The following HLA-DMA variants were observed in gnomAD, a reference collection of about 807,000 sequenced individuals.
The protein encoded by HLA-DMA is HLA class II histocompatibility antigen, DM alpha chain.
In HLA-DMA, 20 loss-of-function variants were observed where a neutral mutation model predicts 27.3. That is an observed-to-expected ratio of 0.73 (90% CI 0.52 to 1.07). HLA-DMA has a LOEUF of 1.07. HLA-DMA is among the 50% of genes least tolerant of loss of function. The pLI is 0.00. For synonymous variants in HLA-DMA, 111 were observed against 126.8 expected, an observed-to-expected ratio of 0.88 and a Z score of 0.83; for missense variants, 241 against 321.7, an observed-to-expected ratio of 0.75 and a Z score of 1.92.
At chr6:32,952,558 A>G (rs1776951507) in intron 1 of HLA-DMA, 8 of 399,000 alleles carry the variant, frequency 2.0e-5, no homozygotes, top group South Asian at 1.2e-4. Flanking sequence ...GAAGGAAACT[A>G]AGACACTTTT....
At chr6:32,951,974 T>C (rs896947024) in intron 1 of HLA-DMA, among the ~76,000 whole-genome samples, 1 of 152,014 alleles carries the variant, frequency 6.6e-6, no homozygotes, top group African/African-American at 2.4e-5. Context: ...AATGTATATA[T>C]ATAAAATAAA....
Position 32,950,610 on chromosome 6 carries a change from A to G in HLA-DMA, c.282T>C (p.Asp94=). Residue 94 remains aspartate, a synonymous_variant, in exon 2 of 5, where the codon GAT becomes GAC. Coordinates refer to ENST00000374843, the MANE Select transcript of HLA-DMA (RefSeq NM_006120.4). This position sits in a 1 kb window ranked among gnomAD's most constrained non-coding sequence, Gnocchi z 5.0. The part of the protein sequence containing the change: ...EFADWAQEQG[D]APAILFDKEF... ...CTTTGTCAAATAAAATGGCAGGAGCATCTCCCTGTTCCTGAGCCCAGTCAG... is the reference window on the plus strand; with the variant it reads ...CTTTGTCAAATAAAATGGCAGGAGCGTCTCCCTGTTCCTGAGCCCAGTCAG... 3 of 1,613,076 alleles carry G rather than the reference A, an allele frequency of 1.9e-6. No homozygotes were observed. The highest frequency in any genetic ancestry group is 2.5e-6 in the Non-Finnish European group (3 of 1,180,028).
rs747411437 is a variant in HLA-DMA at position 32,949,818 on chromosome 6, C to T, written c.445G>A (p.Val149Ile). 1 of 1,613,076 alleles carries T rather than the reference C, an allele frequency of 6.2e-7. No individual in the cohort carries two copies. The highest frequency in any genetic ancestry group is 8.5e-7 in the Non-Finnish European group (1 of 1,180,036). Residue 149 changes from valine (V) to isoleucine (I), a missense_variant, in exon 3 of 5, where the codon GTC becomes ATC. Coordinates refer to ENST00000374843, the MANE Select transcript of HLA-DMA (RefSeq NM_006120.4). This position sits in a 1 kb window ranked among gnomAD's most constrained non-coding sequence, Gnocchi z 5.8. ...FGKPNTLVCFVSNLFPPMLTV... is the reference protein window; with the variant it reads ...FGKPNTLVCFISNLFPPMLTV... ...AGCATGGGTGGGAAGAGATTACTGA[C>T]AAAACAGACCAAAGTGTTGGGCTTG...
intron 1 of HLA-DMA, among the ~76,000 whole-genome samples, chr6:32,952,644 T>C (rs1239087545): frequency 3.3e-5 from 5 of 152,240 alleles, no homozygotes; most frequent in African/African-American, 1.2e-4. Flanking sequence ...ACATTCACTT[T>C]GTTCAAATCC....
Position 32,950,543 on chromosome 6 carries a change from C to G in HLA-DMA, c.349G>C (p.Asp117His). The change falls in exon 2 of 5, where the codon GAT becomes CAT. Residue 117 changes from aspartate (D) to histidine (H), a missense_variant. By Grantham distance (81) the Asp-to-His change is moderately conservative. Coordinates refer to ENST00000374843, the MANE Select transcript of HLA-DMA (RefSeq NM_006120.4). The surrounding 1 kb of genome is among the most constrained non-coding windows in gnomAD (Gnocchi z 5.0). Reference protein sequence around the residue: ...WMIQQIGPKLDGKIPVSRGFP... With the variant: ...WMIQQIGPKLHGKIPVSRGFP... ...CCTCTGGACACCGGGATTTTCCCAT[C>G]AAGTTTTGGCCCTATTTGCTGGATC... is the stretch of plus-strand genomic sequence containing the variant. The G allele has an allele frequency of 6.2e-7, 1 of 1,613,086 alleles. No homozygotes were observed.
rs768243409 is a variant in HLA-DMA, at chr6:32,950,511, C to A, written c.373+8G>T. On this transcript the variant is annotated splice_region_variant and intron_variant, in intron 2 of 4. Transcript: ENST00000374843. The surrounding 1 kb of genome is among the most constrained non-coding windows in gnomAD (Gnocchi z 5.0). Reference sequence around the variant, plus strand: ...CCTCCTCCCTTCACTCCCCAGAAAACTCCTGACCTCTGGACACCGGGATTT... The same window carrying A: ...CCTCCTCCCTTCACTCCCCAGAAAAATCCTGACCTCTGGACACCGGGATTT... 8 of 1,612,980 alleles carry A rather than the reference C, an allele frequency of 5.0e-6. No individual in the cohort carries two copies. The highest frequency in any genetic ancestry group is 5.9e-6 in the Non-Finnish European group (7 of 1,179,938).
chr6:32,950,022 G>A lies in HLA-DMA; in HGVS notation c.374-133C>T. On this transcript the variant is annotated intron_variant, in intron 2 of 4. Coordinates refer to ENST00000374843, the MANE Select transcript of HLA-DMA (RefSeq NM_006120.4). The surrounding 1 kb of genome is among the most constrained non-coding windows in gnomAD (Gnocchi z 5.0). ...GGGTCAGGCTTTGGGAGACAGAGAT[G>A]AGCGAGGAGCTGGGCTCTGAAGGGA... 1 of 837,232 alleles carries A rather than the reference G, an allele frequency of 1.2e-6. No homozygotes were observed. Among genetic ancestry groups the A allele is most frequent in the Non-Finnish European group, 1.8e-6 (1 of 541,104 alleles). 51.9% of individuals were successfully genotyped at this position (837,232 alleles called of 1,614,324 possible).
Position 32,950,964 on chromosome 6 carries a change from G to GGCCA in HLA-DMA, c.89-165_89-162dup, listed in dbSNP as rs1419554581. Among the ~76,000 whole-genome samples the GGCCA allele has an allele frequency of 1.3e-5, 2 of 151,872 alleles. No homozygotes were observed. Among genetic ancestry groups the GGCCA allele is most frequent in the Non-Finnish European group, 2.9e-5 (2 of 67,942 alleles). On this transcript the variant is annotated intron_variant, in intron 1 of 4. Transcript: ENST00000374843. The surrounding 1 kb of genome is among the most constrained non-coding windows in gnomAD (Gnocchi z 5.0). The stretch of plus-strand genomic sequence containing the variant: ...GAGGTCAGGAGTTTGAGACCAGCCT[G>GGCCA]GCCAGCATGGTGAAACTCCGTCTCT...
chr6:32,948,990 G>C (rs1776770917), intron 4 of HLA-DMA, 122 bp from the exon 5 acceptor site: 6 of 1,164,090 alleles, frequency 5.2e-6, no homozygotes, highest in Non-Finnish European at 7.3e-6. Flanking sequence ...TGCAGAAGTT[G>C]ATCTCTCCTT....
At chr6:32,952,462 C>T (rs116009758) in intron 1 of HLA-DMA, 4,963 of 471,300 alleles carry the variant, frequency 0.011, 87 homozygotes, top group African/African-American at 0.048. Context: ...AGCAGGAAAC[C>T]TTTAACCCAA....
At position 32,950,697 on chromosome 6, in the gene HLA-DMA, C is replaced by T; in HGVS notation, c.195G>A (p.Glu65=). 1 of 1,613,060 alleles carries T rather than the reference C, an allele frequency of 6.2e-7. No homozygotes were observed. Among genetic ancestry groups the T allele is most frequent in the Non-Finnish European group, 8.5e-7 (1 of 1,180,042 alleles). The part of the protein sequence containing the change: ...PSVGLSEAYD[E]DQLFFFDFSQ... ...AAAAGTCGAAGAAGAAAAGCTGGTCCTCGTCGTAGGCCTCAGAGAGTCCCA... is the reference window on the plus strand; with the variant it reads ...AAAAGTCGAAGAAGAAAAGCTGGTCTTCGTCGTAGGCCTCAGAGAGTCCCA... The change falls in exon 2 of 5, where the codon GAG becomes GAA. Residue 65 remains glutamate (E), a synonymous_variant. Transcript: ENST00000374843. The surrounding 1 kb of genome is among the most constrained non-coding windows in gnomAD (Gnocchi z 5.0).
At position 32,950,648 on chromosome 6, in the gene HLA-DMA, G is replaced by A; in HGVS notation, c.244C>T (p.Leu82=). The A allele has an allele frequency of 4.3e-6, 7 of 1,613,112 alleles. No homozygotes were observed. The highest frequency in any genetic ancestry group is 5.9e-6 in the Non-Finnish European group (7 of 1,180,042). ...DFSQNTRVPR[L]PEFADWAQEQ... The stretch of plus-strand genomic sequence containing the variant: ...TGAGCCCAGTCAGCAAATTCGGGCA[G>A]GCGAGGCACCCGAGTGTTCTGGGAA... Residue 82 remains leucine (L), a synonymous_variant, in exon 2 of 5, where the codon CTG becomes TTG. Coordinates refer to ENST00000374843, the MANE Select transcript of HLA-DMA (RefSeq NM_006120.4). The surrounding 1 kb of genome is among the most constrained non-coding windows in gnomAD (Gnocchi z 5.0).
At position 32,953,019 on chromosome 6, in the gene HLA-DMA, G is replaced by T; in HGVS notation, c.18C>A (p.Asn6Lys). ...ACATCTGTAGCAGCGCAGCTCCTTG[G>T]TTCTGTTCATGACCCATACCTTCTT... The part of the protein sequence containing the change: MGHEQ[N>K]QGAALLQMLP... Residue 6 changes from asparagine to lysine, a missense_variant, in exon 1 of 5, where the codon AAC becomes AAA. Asn to Lys is a moderately conservative substitution (Grantham distance 94). Transcript: ENST00000374843. 1 of 1,612,896 alleles carries T rather than the reference G, an allele frequency of 6.2e-7. No homozygotes were observed. Among genetic ancestry groups the T allele is most frequent in the Non-Finnish European group, 8.5e-7 (1 of 1,179,956 alleles).
Position 32,949,549 on chromosome 6 carries a change from C to A in HLA-DMA, c.652+62G>T. 2 of 1,600,582 alleles carry A rather than the reference C, an allele frequency of 1.2e-6. No homozygotes were observed. Among genetic ancestry groups the A allele is most frequent in the Non-Finnish European group, 8.5e-7 (1 of 1,170,804 alleles). On this transcript the variant is annotated intron_variant, in intron 3 of 4. Transcript: ENST00000374843. This position sits in a 1 kb window ranked among gnomAD's most constrained non-coding sequence, Gnocchi z 5.8. ...AGGTACCAGTGGAGAAAGAAGCCTC[C>A]TCCCATGGATCTATCCCTTTTTGCC... is the stretch of plus-strand genomic sequence containing the variant.
In HLA-DMA at chr6:32,950,958, C is replaced by A. The variant is rs1776871120; in HGVS notation, c.89-155G>T. Reference sequence around the variant, plus strand: ...GATCATGAGGTCAGGAGTTTGAGACCAGCCTGGCCAGCATGGTGAAACTCC... The same window carrying A: ...GATCATGAGGTCAGGAGTTTGAGACAAGCCTGGCCAGCATGGTGAAACTCC... On this transcript the variant is annotated intron_variant, in intron 1 of 4. Transcript: ENST00000374843. This position sits in a 1 kb window ranked among gnomAD's most constrained non-coding sequence, Gnocchi z 5.0. Among the ~76,000 whole-genome samples, 1 of 151,572 alleles carries A rather than the reference C, an allele frequency of 6.6e-6. No homozygotes were observed. Among genetic ancestry groups the A allele is most frequent in the Non-Finnish European group, 1.5e-5 (1 of 67,902 alleles).
Position 32,953,017 on chromosome 6 carries a change from T to C in HLA-DMA, c.20A>G (p.Gln7Arg). Residue 7 changes from glutamine (Q) to arginine (R), a missense_variant, in exon 1 of 5, where the codon CAA becomes CGA. By Grantham distance (43) the Gln-to-Arg change is conservative (BLOSUM62 1). Coordinates refer to ENST00000374843, the MANE Select transcript of HLA-DMA (RefSeq NM_006120.4). ...TAACATCTGTAGCAGCGCAGCTCCT[T>C]GGTTCTGTTCATGACCCATACCTTC... MGHEQNQGAALLQMLPL... is the reference protein window; with the variant it reads MGHEQNRGAALLQMLPL... The C allele has an allele frequency of 6.2e-7, 1 of 1,612,984 alleles. No homozygotes were observed. Among genetic ancestry groups the C allele is most frequent in the Non-Finnish European group, 8.5e-7 (1 of 1,179,962 alleles).
In HLA-DMA at chr6:32,949,811, T is replaced by C. The variant is rs1216182429; in HGVS notation, c.452A>G (p.Asn151Ser). The C allele has an allele frequency of 6.2e-7, 1 of 1,612,978 alleles. No individual in the cohort carries two copies. The highest frequency in any genetic ancestry group is 8.5e-7 in the Non-Finnish European group (1 of 1,180,012). The stretch of plus-strand genomic sequence containing the variant: ...CACTGTCAGCATGGGTGGGAAGAGA[T>C]TACTGACAAAACAGACCAAAGTGTT... ...KPNTLVCFVS[N>S]LFPPMLTVNW... Residue 151 changes from asparagine to serine, a missense_variant, in exon 3 of 5, where the codon AAT (asparagine) becomes AGT (serine). Asn to Ser is a conservative substitution (Grantham distance 46). Coordinates refer to ENST00000374843, the MANE Select transcript of HLA-DMA (RefSeq NM_006120.4). The surrounding 1 kb of genome is among the most constrained non-coding windows in gnomAD (Gnocchi z 5.8).
Position 32,953,086 on chromosome 6 carries a change from T to G in HLA-DMA, c.-50A>C. On this transcript the variant is annotated 5_prime_UTR_variant, in exon 1 of 5. Coordinates refer to ENST00000374843, the MANE Select transcript of HLA-DMA (RefSeq NM_006120.4). ...GAGCTACCAACCCAGCCAACCCAGC[T>G]TCCCCAACTCCCTCCCCGAGAGGGT... is the stretch of plus-strand genomic sequence containing the variant. The G allele has an allele frequency of 1.4e-6, 2 of 1,405,402 alleles. No individual in the cohort carries two copies. Among genetic ancestry groups the G allele is most frequent in the South Asian group, 1.2e-5 (1 of 85,892 alleles). 87.1% of individuals were successfully genotyped at this position (1,405,402 alleles called of 1,614,324 possible). A position where few individuals can be genotyped will look rare whatever the true frequency, so the allele number is the denominator to read the frequency against.
chr6:32,952,159 T>C (rs914719488), intron 1 of HLA-DMA: 2 of 380,036 alleles, frequency 5.3e-6, no homozygotes, highest in African/African-American at 2.1e-5. Context: ...CTGTATTGAC[T>C]AGAGAAGGCC....
Sources: gnomAD v4.1 joint callset for allele counts (sites outside exome capture counted in the v4.1 genomes callset) on GRCh38, gnomAD v4.1.1 for gene constraint, Gnocchi (gnomAD v3.1) non-coding constraint, MANE v1.5 for transcripts, NCBI Gene and HGNC (gene_info 2026-07-23, HGNC 2026-07-21) for gene names.